The following DCC variants were observed in gnomAD, a reference collection of about 807,000 sequenced individuals.
The protein encoded by DCC is netrin receptor DCC.
A neutral mutation model predicts 172.5 loss-of-function variants in DCC; 58 were observed. The ratio of observed to expected loss-of-function variants is 0.34; its 90% confidence interval spans 0.27 to 0.42. The LOEUF is 0.42. Among genes scored for constraint, DCC ranks in the 10% least tolerant of loss-of-function variants. The probability of loss-of-function intolerance (pLI) is 1.00; values close to 1 mark genes in which losing one functional copy is unlikely to be tolerated. For synonymous variants in DCC, 709 were observed against 644.5 expected (o/e 1.10, Z -1.52); for missense variants, 1,740 against 1,791.0 (o/e 0.97, Z 0.51).
intron 7 of DCC, among the ~76,000 whole-genome samples, chr18:53,123,992 G>A (rs1342430658): frequency 6.6e-6 from 1 of 152,052 alleles, no homozygotes; most frequent in South Asian, 2.1e-4. Flanking sequence ...CACACTTTGA[G>A]CAGATGCACA....
chr18:53,530,589 A>T lies in DCC; in HGVS notation c.4280A>T (p.Glu1427Val). The stretch of plus-strand genomic sequence containing the variant: ...GTGTATGAACAGGATGATCTGAGTG[A>T]ACAAATGGCAAGTTTGGAAGGACTC... ...ANVYEQDDLS[E>V]QMASLEGLMK... The change falls in exon 29 of 29, where the codon GAA becomes GTA. Residue 1427 changes from glutamate to valine, a missense_variant. By Grantham distance (121) the Glu-to-Val change is moderately radical. Transcript: ENST00000442544. The T allele has an allele frequency of 1.3e-6, 2 of 1,593,832 alleles. No homozygotes were observed. The highest frequency in any genetic ancestry group is 1.7e-6 in the Non-Finnish European group (2 of 1,161,494).
At chr18:52,711,361 G>A (rs947333101) in intron 1 of DCC, among the ~76,000 whole-genome samples, 3 of 152,068 alleles carry the variant, frequency 2.0e-5, no homozygotes, top group Non-Finnish European at 4.4e-5. Context: ...CCATGTAGCT[G>A]GTATTACAGG....
At chr18:52,440,929 T>C (rs1987951963) in intron 1 of DCC, among the ~76,000 whole-genome samples, 1 of 152,200 alleles carries the variant, frequency 6.6e-6, no homozygotes, top group African/African-American at 2.4e-5. Flanking sequence ...AGTAATTTCA[T>C]AGTGCAATGG....
chr18:53,114,690 G>A (rs368696327), intron 7 of DCC, among the ~76,000 whole-genome samples: 9 of 151,654 alleles, frequency 5.9e-5, no homozygotes, highest in South Asian at 2.1e-4. Context: ...GATCAGCCAC[G>A]TTGGACTGAA....
intron 25 of DCC, among the ~76,000 whole-genome samples, chr18:53,485,792 A>C (rs1423826741): frequency 6.6e-6 from 1 of 152,108 alleles, no homozygotes; most frequent in African/African-American, 2.4e-5. Context: ...TACAATATGC[A>C]GTGTAATTTG....
At chr18:52,524,128 A>T (rs1256164030) in intron 1 of DCC, among the ~76,000 whole-genome samples, 1 of 152,224 alleles carries the variant, frequency 6.6e-6, no homozygotes, top group Non-Finnish European at 1.5e-5. Context: ...TAAAAATTAT[A>T]ATTTCAACTA....
intron 1 of DCC, among the ~76,000 whole-genome samples, chr18:52,674,269 C>G (rs1216377633): frequency 6.6e-6 from 1 of 152,100 alleles, no homozygotes; most frequent in Non-Finnish European, 1.5e-5. Flanking sequence ...CTTGGTATAG[C>G]TGATGGTATA....
At chr18:52,492,780 G>A (rs2030569012) in intron 1 of DCC, among the ~76,000 whole-genome samples, 1 of 152,048 alleles carries the variant, frequency 6.6e-6, no homozygotes, top group South Asian at 2.1e-4. Flanking sequence ...ATTAACGAAG[G>A]TACAAGGTAG....
intron 1 of DCC, among the ~76,000 whole-genome samples, chr18:52,726,557 G>A (rs2036554712): frequency 6.6e-6 from 1 of 152,008 alleles, no homozygotes; most frequent in South Asian, 2.1e-4. Context: ...TCCTTCTCTA[G>A]TTATTTGGAA....
chr18:52,908,906 A>G (rs1784049486), intron 3 of DCC, among the ~76,000 whole-genome samples: 1 of 152,186 alleles, frequency 6.6e-6, no homozygotes, highest in African/African-American at 2.4e-5. Context: ...GCACGTGTGT[A>G]CACATGCATG....
At chr18:53,374,836 A>G (rs55968250) in intron 15 of DCC, among the ~76,000 whole-genome samples, 16,705 of 152,236 alleles carry the variant, frequency 0.11, 970 homozygotes, top group East Asian at 0.21. Flanking sequence ...AATATTTATT[A>G]CTAAAGAGTT....
At chr18:52,507,340 CTTGTAAGTGTAT>C (rs1271514142) in intron 1 of DCC, among the ~76,000 whole-genome samples, 19 of 152,222 alleles carry the variant, frequency 1.2e-4, no homozygotes, top group Admixed American at 9.8e-4. Flanking sequence ...TAACACAGTG[CTTGTAAGTGTAT>C]TAGTATAAAA....
chr18:53,330,260 A>G (rs999526143), intron 14 of DCC, among the ~76,000 whole-genome samples: 17 of 152,178 alleles, frequency 1.1e-4, no homozygotes, highest in African/African-American at 3.4e-4. Context: ...CATTTCCCTT[A>G]AGATTGATTG....
intron 1 of DCC, among the ~76,000 whole-genome samples, chr18:52,531,133 C>A (rs1230880631): frequency 6.6e-6 from 1 of 152,218 alleles, no homozygotes; most frequent in Admixed American, 6.5e-5. Flanking sequence ...AAACAGCCTT[C>A]TGTCTGCTGA....
intron 1 of DCC, among the ~76,000 whole-genome samples, chr18:52,665,851 A>C (rs2035451660): frequency 6.6e-6 from 1 of 152,208 alleles, no homozygotes; most frequent in South Asian, 2.1e-4. Flanking sequence ...TGCCTGAATT[A>C]TCAAAGGAAT....
intron 5 of DCC, among the ~76,000 whole-genome samples, chr18:53,023,396 CAGACCAAAAA>C (rs1568251565): frequency 4.8e-5 from 1 of 21,006 alleles, no homozygotes; most frequent in African/African-American, 1.8e-4. Context: ...ATATATAACT[CAGACCAAAAA>C]AAAAAAAAAA....
At chr18:53,048,097 T>C (rs1284424969) in intron 5 of DCC, among the ~76,000 whole-genome samples, 1 of 152,044 alleles carries the variant, frequency 6.6e-6, no homozygotes, top group Non-Finnish European at 1.5e-5. Flanking sequence ...GTTTTGAGAA[T>C]ACTGAGTCTC....
At chr18:52,850,909 G>A (rs2038965490) in intron 2 of DCC, among the ~76,000 whole-genome samples, 1 of 151,870 alleles carries the variant, frequency 6.6e-6, no homozygotes, top group African/African-American at 2.4e-5. Context: ...CACCACAACT[G>A]GGTTTAATTT....
intron 25 of DCC, among the ~76,000 whole-genome samples, chr18:53,469,545 C>A (rs776550591): frequency 1.6e-4 from 25 of 152,164 alleles, no homozygotes; most frequent in Non-Finnish European, 3.4e-4. Context: ...CCTTGTCCTT[C>A]CATCAAATCT....
Sources: gnomAD v4.1 joint callset for allele counts (sites outside exome capture counted in the v4.1 genomes callset) on GRCh38, gnomAD v4.1.1 for gene constraint, MANE v1.5 for transcripts, NCBI Gene and HGNC (gene_info 2026-07-23, HGNC 2026-07-21) for gene names.